Variants in MAD1L1 observed in about 807,000 individuals in gnomAD.
The protein encoded by MAD1L1 is mitotic spindle assembly checkpoint protein MAD1.
A neutral mutation model predicts 96.9 loss-of-function variants in MAD1L1; 95 were observed. That is an observed-to-expected ratio of 0.98 (90% CI 0.83 to 1.16). MAD1L1 has a LOEUF of 1.16. Among genes scored for constraint, MAD1L1 ranks in the 50% most tolerant of loss-of-function variants. The pLI, the probability that MAD1L1 is intolerant of heterozygous loss-of-function variation, is 0.00. For synonymous variants in MAD1L1, 473 were observed against 396.6 expected (o/e 1.19, Z -2.29); for missense variants, 1,007 against 954.4 (o/e 1.06, Z -0.73).
At chr7:1,841,054 G>C (rs1295996739) in intron 18 of MAD1L1, among the ~76,000 whole-genome samples, 5 of 152,216 alleles carry the variant, frequency 3.3e-5, no homozygotes, top group Non-Finnish European at 7.3e-5. Flanking sequence ...GATTAGATGT[G>C]ACCAAGGCCG....
intron 5 of MAD1L1, chr7:2,220,956 G>A (rs746536855): frequency 1.9e-6 from 3 of 1,612,212 alleles, no homozygotes; most frequent in Non-Finnish European, 1.7e-6. Flanking sequence ...TGTAGGGGAC[G>A]CCGGACAGTT....
intron 17 of MAD1L1, among the ~76,000 whole-genome samples, chr7:1,932,705 C>T (rs545485414): frequency 2.6e-5 from 4 of 152,388 alleles, no homozygotes; most frequent in Admixed American, 1.3e-4. Context: ...CAACCACAGA[C>T]AGCCCAGTCT....
intron 18 of MAD1L1, among the ~76,000 whole-genome samples, chr7:1,878,473 C>G (rs1785498760): frequency 1.3e-5 from 2 of 151,780 alleles, no homozygotes; most frequent in Admixed American, 6.6e-5. Context: ...TGCGGTTTAT[C>G]CTAGGAATGC....
intron 9 of MAD1L1, 65 bp downstream of exon 9, chr7:2,215,820 T>C (rs1480844611): frequency 2.0e-6 from 3 of 1,463,912 alleles, no homozygotes; most frequent in South Asian, 1.1e-5. Flanking sequence ...GTGACCACAA[T>C]ACCGAGGCTC....
intron 3 of MAD1L1, among the ~76,000 whole-genome samples, chr7:2,227,051 C>G (rs924483093): frequency 6.8e-6 from 1 of 148,104 alleles, no homozygotes; most frequent in Non-Finnish European, 1.5e-5. Context: ...CCCAGCAGTT[C>G]GGGGGGCCAA....
chr7:2,056,286 C>T (rs1784385136), intron 12 of MAD1L1, among the ~76,000 whole-genome samples: 1 of 152,204 alleles, frequency 6.6e-6, no homozygotes, highest in East Asian at 1.9e-4. Context: ...CAAGAGAAAT[C>T]GTGCCGATCA....
chr7:1,936,160 A>G (rs1029695401), intron 17 of MAD1L1, among the ~76,000 whole-genome samples: 52 of 152,296 alleles, frequency 3.4e-4, no homozygotes, highest in African/African-American at 9.6e-4. Flanking sequence ...AGACCCCAGC[A>G]CCACCTCCCC....
intron 15 of MAD1L1, among the ~76,000 whole-genome samples, chr7:1,977,254 T>C (rs1780687785): frequency 6.6e-6 from 1 of 152,222 alleles, no homozygotes; most frequent in South Asian, 2.1e-4. Flanking sequence ...TCCCAAGCGC[T>C]GCCCCACGGG....
chr7:2,209,860 C>A (rs1041740364), intron 10 of MAD1L1: 1 of 152,378 alleles, frequency 6.6e-6, no homozygotes, highest in East Asian at 1.9e-4. Flanking sequence ...TCCCCAAGCT[C>A]GCCCACAGAG....
intron 6 of MAD1L1, among the ~76,000 whole-genome samples, 183 bp from the exon 7 acceptor site, chr7:2,218,226 C>G (rs1345311058): frequency 6.6e-6 from 1 of 152,126 alleles, no homozygotes; most frequent in Non-Finnish European, 1.5e-5. Context: ...ATGGGTACCC[C>G]AAGGTCCCAG....
intron 10 of MAD1L1, among the ~76,000 whole-genome samples, chr7:2,162,893 A>C (rs953069950): frequency 6.7e-6 from 1 of 149,838 alleles, no homozygotes; most frequent in Non-Finnish European, 1.5e-5. Context: ...TTTTTGCATG[A>C]ACCATGTCCA....
rs1793582612 is a variant in MAD1L1 at position 2,221,106 on chromosome 7, C to A, written c.471+1469G>T. 6 of 1,372,804 alleles carry A rather than the reference C, an allele frequency of 4.4e-6. No homozygotes were observed. The South Asian group carries it at 6.6e-5, about 15-fold the overall frequency. The allele number at this position is 1,372,804 out of a possible 1,614,324, so 85.0% of individuals were successfully genotyped here. On this transcript the variant is annotated intron_variant, in intron 5 of 18. Transcript: ENST00000265854. ...GCCACCTCGGCTTAGACATGACAGG[C>A]CAAAGCAGCAGCACCTGCAGCGCCA...
At chr7:1,855,845 C>T (rs1020882986) in intron 18 of MAD1L1, among the ~76,000 whole-genome samples, 1 of 152,186 alleles carries the variant, frequency 6.6e-6, no homozygotes, top group African/African-American at 2.4e-5. Context: ...AGCTGCACCC[C>T]ACTCTTGGTA....
chr7:1,818,774 C>G (rs1781966471), intron 18 of MAD1L1, among the ~76,000 whole-genome samples: 2 of 151,976 alleles, frequency 1.3e-5, no homozygotes, highest in African/African-American at 4.8e-5. Flanking sequence ...GGGCAACCCA[C>G]TCACGGCTCC....
chr7:2,077,187 A>G (rs1785421590), intron 11 of MAD1L1, among the ~76,000 whole-genome samples: 1 of 152,218 alleles, frequency 6.6e-6, no homozygotes, highest in African/African-American at 2.4e-5. Context: ...ATGTAAACAC[A>G]GCCGCATGCA....
rs192517134 is a variant in MAD1L1 at position 1,910,512 on chromosome 7, G to A, written c.1808-12122C>T. Among the ~76,000 whole-genome samples the A allele has an allele frequency of 5.9e-5, 9 of 152,348 alleles. No individual in the cohort carries two copies. In the East Asian group the frequency reaches 1.4e-3, roughly 23 times the overall value. ...CCGCGGAGCCAAAGCTGGAGCCCAC[G>A]CTGGGCACTGCCCTGGGGGCTGAGC... On this transcript the variant is annotated intron_variant, in intron 17 of 18. Coordinates refer to ENST00000265854, the MANE Select transcript of MAD1L1 (RefSeq NM_001013836.2).
rs191508119 is a variant in MAD1L1 at position 1,828,212 on chromosome 7, G to A, written c.1999-11984C>T. 1.3e-3 allele frequency among the ~76,000 whole-genome samples: 195 copies of A among 152,214 alleles called. 3 individuals carry two copies. In the East Asian group the frequency reaches 0.028, roughly 22 times the overall value. On this transcript the variant is annotated intron_variant, in intron 18 of 18. Transcript: ENST00000265854. Reference sequence around the variant, plus strand: ...CTGCCATCTGAAACAGCCAGAATATGAGGCATCAAATGTGAAACAACAGTT... The same window carrying A: ...CTGCCATCTGAAACAGCCAGAATATAAGGCATCAAATGTGAAACAACAGTT...
intron 18 of MAD1L1, among the ~76,000 whole-genome samples, chr7:1,887,838 G>C (rs1786196467): frequency 1.4e-5 from 1 of 72,704 alleles, no homozygotes; most frequent in Non-Finnish European, 2.8e-5. Context: ...CATGTATGTG[G>C]CGTCCTGTGC....
Position 2,097,132 on chromosome 7 carries a change from T to A in MAD1L1, c.1074-27794A>T, listed in dbSNP as rs527837164. On this transcript the variant is annotated intron_variant, in intron 11 of 18. Coordinates refer to ENST00000265854, the MANE Select transcript of MAD1L1 (RefSeq NM_001013836.2). ...AGGCTCCTGGCTCCACCACACCCCATGGCACCCAGGCACAGGCTCACCCTA... is the reference window on the plus strand; with the variant it reads ...AGGCTCCTGGCTCCACCACACCCCAAGGCACCCAGGCACAGGCTCACCCTA... 3.9e-5 allele frequency among the ~76,000 whole-genome samples: 6 copies of A among 152,018 alleles called. No individual in the cohort carries two copies. The East Asian group carries it at 1.2e-3, about 29-fold the overall frequency.
Sources: gnomAD v4.1 joint callset for allele counts (sites outside exome capture counted in the v4.1 genomes callset) on GRCh38, gnomAD v4.1.1 for gene constraint, MANE v1.5 for transcripts, NCBI Gene and HGNC (gene_info 2026-07-23, HGNC 2026-07-21) for gene names.